The following DGKB variants were observed in gnomAD, a reference collection of about 807,000 sequenced individuals.
DGKB encodes the protein 90 kDa diacylglycerol kinase.
DGKB carries 67 observed loss-of-function variants against 114.3 expected under a neutral mutation model. That is an observed-to-expected ratio of 0.59 (90% CI 0.48 to 0.72). The LOEUF (loss-of-function observed/expected upper bound fraction) is 0.72, where lower values mean the gene tolerates loss of function less well. Among genes scored for constraint, DGKB ranks in the 30% least tolerant of loss-of-function variants. The pLI is 0.00. For synonymous variants in DGKB, 398 were observed against 323.1 expected (o/e 1.23, Z -2.49); for missense variants, 907 against 975.2 (o/e 0.93, Z 0.93).
intron 13 of DGKB, among the ~76,000 whole-genome samples, chr7:14,668,142 C>G (rs912204349): frequency 1.3e-5 from 2 of 152,062 alleles, no homozygotes; most frequent in Non-Finnish European, 2.9e-5. Context: ...ACCCAGGAAG[C>G]AGGTTGGGGT....
At chr7:14,423,409 C>A (rs1053801220) in intron 21 of DGKB, among the ~76,000 whole-genome samples, 18 of 151,868 alleles carry the variant, frequency 1.2e-4, no homozygotes, top group Admixed American at 4.6e-4. Flanking sequence ...AATTGTCTGA[C>A]GTTTAAGAGG....
intron 1 of DGKB, among the ~76,000 whole-genome samples, chr7:14,928,451 A>G (rs1244723350): frequency 1.3e-5 from 2 of 151,936 alleles, no homozygotes; most frequent in East Asian, 3.9e-4. Context: ...TTTTTATGTT[A>G]CAGAATTTCT....
intron 1 of DGKB, among the ~76,000 whole-genome samples, chr7:14,953,400 G>A (rs1249945574): frequency 1.3e-5 from 2 of 151,962 alleles, no homozygotes. Context: ...GCTCTTAACA[G>A]ACATTTCTCC....
At chr7:14,533,503 G>A (rs1036886950) in intron 20 of DGKB, among the ~76,000 whole-genome samples, 8 of 151,812 alleles carry the variant, frequency 5.3e-5, no homozygotes, top group African/African-American at 1.9e-4. Flanking sequence ...ATTTTTAAAA[G>A]TTATTATTTA....
chr7:14,715,491 A>T (rs1037565191), intron 6 of DGKB, among the ~76,000 whole-genome samples: 2 of 152,106 alleles, frequency 1.3e-5, no homozygotes, highest in African/African-American at 4.8e-5. Flanking sequence ...ACCAACAAGG[A>T]GAGATAAAAA....
At chr7:14,877,576 AAAAGT>A (rs1439469298) in intron 1 of DGKB, among the ~76,000 whole-genome samples, 3 of 152,176 alleles carry the variant, frequency 2.0e-5, no homozygotes, top group African/African-American at 7.2e-5. Flanking sequence ...AAACAGAAAG[AAAAGT>A]AAAGAAAAAT....
intron 1 of DGKB, among the ~76,000 whole-genome samples, chr7:14,920,455 T>C (rs1784459538): frequency 6.6e-6 from 1 of 152,210 alleles, no homozygotes; most frequent in South Asian, 2.1e-4. Context: ...GGTGCCATGA[T>C]ATGCTTATTA....
intron 20 of DGKB, among the ~76,000 whole-genome samples, chr7:14,487,899 G>A (rs1029604208): frequency 1.3e-5 from 2 of 151,932 alleles, no homozygotes; most frequent in African/African-American, 4.8e-5. Context: ...CAGGTGTGAG[G>A]CAATGTGCCT....
chr7:14,967,307 A>G (rs867016511), intron 1 of DGKB, among the ~76,000 whole-genome samples: 13 of 149,840 alleles, frequency 8.7e-5, no homozygotes, highest in Non-Finnish European at 8.9e-5. Context: ...TCCTGACTTG[A>G]TTTATTTTTA....
rs545460730 is a variant in DGKB at position 14,369,666 on chromosome 7, G to A, written c.1836-24275C>T. 4.6e-5 allele frequency among the ~76,000 whole-genome samples: 7 copies of A among 152,316 alleles called. No individual in the cohort carries two copies. The East Asian group carries it at 1.2e-3, about 25-fold the overall frequency. On this transcript the variant is annotated intron_variant, in intron 21 of 25. Transcript: ENST00000402815. ...TGGTTTTGATTTGCATTTCTGTAATGACCAGTGATGATTATCTTTTTTTAT... is the reference window on the plus strand; with the variant it reads ...TGGTTTTGATTTGCATTTCTGTAATAACCAGTGATGATTATCTTTTTTTAT...
chr7:14,279,067 A>G (rs1319412432), intron 23 of DGKB, among the ~76,000 whole-genome samples: 3 of 152,194 alleles, frequency 2.0e-5, no homozygotes, highest in East Asian at 1.9e-4. Flanking sequence ...TGCCTCACTC[A>G]GGAAGCGCAA....
intron 25 of DGKB, among the ~76,000 whole-genome samples, chr7:14,158,504 T>C (rs1055826364): frequency 6.6e-6 from 1 of 152,226 alleles, no homozygotes; most frequent in Non-Finnish European, 1.5e-5. Flanking sequence ...AAGAAACTTC[T>C]TTAATGGCCC....
intron 12 of DGKB, among the ~76,000 whole-genome samples, chr7:14,681,395 T>C (rs1190700046): frequency 1.3e-5 from 2 of 151,866 alleles, no homozygotes; most frequent in African/African-American, 4.8e-5. Flanking sequence ...AAGTCAGTTG[T>C]TTTTCTCATC....
intron 1 of DGKB, among the ~76,000 whole-genome samples, chr7:14,939,608 T>C (rs2128253970): frequency 6.7e-6 from 1 of 148,182 alleles, no homozygotes; most frequent in East Asian, 2.0e-4. Context: ...ACTGCTATCA[T>C]GAAAATATAA....
intron 23 of DGKB, among the ~76,000 whole-genome samples, chr7:14,307,968 C>A (rs1367176433): frequency 7.1e-5 from 7 of 98,344 alleles, no homozygotes; most frequent in African/African-American, 1.7e-4. Context: ...TCAGTAAGAA[C>A]CTTTTTAAAT....
At chr7:14,646,720 A>G (rs1156812721) in intron 13 of DGKB, among the ~76,000 whole-genome samples, 1 of 152,154 alleles carries the variant, frequency 6.6e-6, no homozygotes, top group African/African-American at 2.4e-5. Context: ...TGGAAATTAA[A>G]CAACATGCTC....
chr7:14,784,345 C>T (rs563617445), intron 2 of DGKB, among the ~76,000 whole-genome samples: 1 of 150,576 alleles, frequency 6.6e-6, no homozygotes, highest in South Asian at 2.1e-4. Context: ...TGACCATGTT[C>T]ACCATCCGTC....
intron 20 of DGKB, among the ~76,000 whole-genome samples, chr7:14,521,727 C>A (rs981575101): frequency 6.6e-6 from 1 of 152,030 alleles, no homozygotes; most frequent in Admixed American, 6.6e-5. Flanking sequence ...GTTTTGATAA[C>A]AACATCTATG....
At chr7:14,801,402 T>G (rs532363062) in intron 2 of DGKB, among the ~76,000 whole-genome samples, 1 of 152,176 alleles carries the variant, frequency 6.6e-6, no homozygotes, top group African/African-American at 2.4e-5. Flanking sequence ...TCAATTTGAC[T>G]GGGCATGGGG....
Sources: allele counts gnomAD v4.1 joint callset (sites outside exome capture counted in the v4.1 genomes callset), GRCh38; gene constraint gnomAD v4.1.1; transcripts MANE v1.5; gene names NCBI Gene and HGNC (gene_info 2026-07-23, HGNC 2026-07-21).